The following ABCA12 variants were observed in gnomAD, a reference collection of about 807,000 sequenced individuals.
ABCA12 encodes the protein glucosylceramide transporter ABCA12.
Under a neutral mutation model 293.5 loss-of-function variants are expected in ABCA12, and 156 were observed. That is an observed-to-expected ratio of 0.53 (90% CI 0.47 to 0.61). The LOEUF (loss-of-function observed/expected upper bound fraction) is 0.61, where lower values mean the gene tolerates loss of function less well. Ranked by LOEUF, ABCA12 falls within the 20% of genes least tolerant of loss-of-function variation. ABCA12 has a pLI of 0.00. For synonymous variants in ABCA12, 1,063 were observed against 1,108.0 expected (o/e 0.96, Z 0.81); for missense variants, 2,797 against 3,090.2 (o/e 0.91, Z 2.25).
chr2:214,958,206 G>A lies in ABCA12; in HGVS notation c.6117+71C>T. On this transcript the variant is annotated intron_variant, in intron 41 of 52. Transcript: ENST00000272895. ...GAACAAACTAGAGTAAATAACTCTTGAATAGAAAACTGATGTCTTCTATCC... is the reference window on the plus strand; with the variant it reads ...GAACAAACTAGAGTAAATAACTCTTAAATAGAAAACTGATGTCTTCTATCC... 5 of 1,581,156 alleles carry A rather than the reference G, an allele frequency of 3.2e-6. No homozygotes were observed. The South Asian group carries it at 4.4e-5, about 14-fold the overall frequency.
intron 22 of ABCA12, 109 bp from the exon 23 acceptor site, chr2:214,997,918 G>C: frequency 2.8e-6 from 2 of 721,672 alleles, no homozygotes; most frequent in Non-Finnish European, 4.9e-6. Context: ...ACTTATGATC[G>C]TGTTTTGAAA....
chr2:214,940,771 A>G (rs775954969), intron 50 of ABCA12, among the ~76,000 whole-genome samples: 4 of 151,806 alleles, frequency 2.6e-5, no homozygotes, highest in Non-Finnish European at 5.9e-5. Context: ...TGTTTATAGT[A>G]TTCTCTGATG....
chr2:215,131,775 T>C (rs1337988432), intron 1 of ABCA12, among the ~76,000 whole-genome samples: 2 of 149,666 alleles, frequency 1.3e-5, no homozygotes, highest in Non-Finnish European at 3.0e-5. Context: ...TTTCTTCTGA[T>C]AGCTTTTATT....
chr2:214,973,903 T>G, intron 36 of ABCA12, 46 bp downstream of exon 36: 1 of 1,492,608 alleles, frequency 6.7e-7, no homozygotes, highest in Non-Finnish European at 9.3e-7. Flanking sequence ...TTTCGATATT[T>G]ATTCCCGTAT....
intron 18 of ABCA12, among the ~76,000 whole-genome samples, chr2:215,008,429 A>C (rs1700300995): frequency 6.6e-6 from 1 of 152,262 alleles, no homozygotes; most frequent in South Asian, 2.1e-4. Flanking sequence ...CATTGGAAAC[A>C]AAATTAATGC....
intron 26 of ABCA12, among the ~76,000 whole-genome samples, chr2:214,988,949 C>T (rs1488359724): frequency 1.3e-5 from 2 of 151,008 alleles, no homozygotes; most frequent in South Asian, 2.1e-4. Context: ...GAGGCCAAGG[C>T]GGGCAGATGA....
rs981032339 is a variant in ABCA12 at position 214,975,902 on chromosome 2, A to G, written c.5264T>C (p.Ile1755Thr). 3.7e-6 allele frequency: 6 copies of G among 1,614,138 alleles called. No homozygotes were observed. The highest frequency in any genetic ancestry group is 3.4e-6 in the Non-Finnish European group (4 of 1,179,988). The change falls in exon 34 of 53, where the codon ATC becomes ACC. Residue 1755 changes from isoleucine to threonine, a missense_variant. Around this residue, in one of 3 missense-constraint regions of ABCA12, gnomAD observed 2,130 missense variants for 2,427.0 expected, o/e 0.88. Coordinates refer to ENST00000272895, the MANE Select transcript of ABCA12 (RefSeq NM_173076.3). ...GCCCATGGCAGTGGTAACAAAGACG[A>G]TGGGGAGGATAACCTGAGCAATGAG... ...KGLIAQVILP[I>T]VFVTTAMGLG...
chr2:214,967,057 A>AT, intron 38 of ABCA12, 104 bp from the exon 39 acceptor site: 1 of 920,902 alleles, frequency 1.1e-6, no homozygotes, highest in Non-Finnish European at 1.7e-6. Context: ...AAGAGCATCA[A>AT]TTTTCCAATA....
intron 23 of ABCA12, 83 bp downstream of exon 23, chr2:214,997,612 A>C: frequency 9.5e-7 from 1 of 1,052,570 alleles, no homozygotes; most frequent in Non-Finnish European, 1.4e-6. Flanking sequence ...AGGCTTTCTG[A>C]AGTTTATAAA....
At chr2:215,089,838 T>C (rs1376697544) in intron 2 of ABCA12, among the ~76,000 whole-genome samples, 2 of 152,230 alleles carry the variant, frequency 1.3e-5, no homozygotes, top group South Asian at 2.1e-4. Flanking sequence ...TTTTAAAGCA[T>C]GAACTGCAAC....
intron 9 of ABCA12, among the ~76,000 whole-genome samples, chr2:215,028,517 T>C (rs567367757): frequency 6.6e-6 from 1 of 152,316 alleles, no homozygotes; most frequent in Non-Finnish European, 1.5e-5. Flanking sequence ...ACTCAGACCT[T>C]AGAGATTTTA....
chr2:214,967,083 G>T (rs1215797684), intron 38 of ABCA12, 130 bp from the exon 39 acceptor site: 3 of 828,310 alleles, frequency 3.6e-6, no homozygotes, highest in South Asian at 3.0e-5. Flanking sequence ...TTTTATCTTG[G>T]AAGATTATGC....
chr2:215,024,217 C>T (rs2106019996), intron 11 of ABCA12, among the ~76,000 whole-genome samples: 1 of 152,330 alleles, frequency 6.6e-6, no homozygotes, highest in African/African-American at 2.4e-5. Flanking sequence ...CGCCTCCATG[C>T]ACAGAAGCCT....
intron 15 of ABCA12, 85 bp from the exon 16 acceptor site, chr2:215,012,220 G>A: frequency 1.6e-6 from 2 of 1,271,204 alleles, no homozygotes; most frequent in Non-Finnish European, 1.1e-6. Flanking sequence ...GAAAGGTACA[G>A]CCACTTTGGA....
intron 2 of ABCA12, among the ~76,000 whole-genome samples, chr2:215,083,479 A>AT (rs1701982600): frequency 6.6e-6 from 1 of 152,178 alleles, no homozygotes; most frequent in South Asian, 2.1e-4. Flanking sequence ...GTTTTAGAGC[A>AT]TTGATTGCAT....
At chr2:214,997,650 CTATGAACAGGACT>C (rs764638816) in intron 23 of ABCA12, 32 bp downstream of exon 23, 4 of 1,355,546 alleles carry the variant, frequency 3.0e-6, no homozygotes, top group Non-Finnish European at 4.2e-6. Flanking sequence ...AGTAATTGTT[CTATGAACAGGACT>C]TATTCATAAC....
intron 38 of ABCA12, among the ~76,000 whole-genome samples, chr2:214,968,239 C>G (rs1699308384): frequency 6.6e-6 from 1 of 152,086 alleles, no homozygotes. Flanking sequence ...TTCCAAATCA[C>G]AATACCCTCC....
At chr2:214,942,283 C>T (rs1698431244) in intron 50 of ABCA12, among the ~76,000 whole-genome samples, 1 of 152,096 alleles carries the variant, frequency 6.6e-6, no homozygotes, top group African/African-American at 2.4e-5. Flanking sequence ...CTCTTTCATC[C>T]TTTTTTCCTT....
Position 215,004,194 on chromosome 2 carries a change from T to G in ABCA12, c.2683+15A>C. 1.2e-6 allele frequency: 2 copies of G among 1,605,760 alleles called. No homozygotes were observed. The highest frequency in any genetic ancestry group is 1.7e-6 in the Non-Finnish European group (2 of 1,172,814). ...ACATGACTCATGAATAAAAGCTTTG[T>G]GAATTTGGACTCACCGAGTTCATCT... On this transcript the variant is annotated intron_variant, in intron 20 of 52. Transcript: ENST00000272895.
Sources: gnomAD v4.1 joint callset for allele counts (sites outside exome capture counted in the v4.1 genomes callset) on GRCh38, gnomAD v4.1.1 for gene constraint, gnomAD v4.1.1 regional missense constraint, MANE v1.5 for transcripts, NCBI Gene and HGNC (gene_info 2026-07-23, HGNC 2026-07-21) for gene names.